CACNA1B: variants seen among roughly 807,000 people sequenced by gnomAD.
The protein encoded by CACNA1B is voltage-dependent N-type calcium channel subunit alpha-1B.
CACNA1B carries 70 observed loss-of-function variants against 247.2 expected under a neutral mutation model. The observed-to-expected ratio is 0.28, with a 90% CI of 0.23 to 0.35. The LOEUF is 0.35. CACNA1B is among the 10% of genes least tolerant of loss of function. CACNA1B has a pLI of 1.00. For synonymous variants in CACNA1B, 1,231 were observed against 1,294.4 expected (o/e 0.95, Z 1.05); for missense variants, 2,367 against 3,197.4 (o/e 0.74, Z 6.26).
At chr9:138,026,956 G>C (rs952861369) in intron 20 of CACNA1B, among the ~76,000 whole-genome samples, 3 of 152,170 alleles carry the variant, frequency 2.0e-5, no homozygotes, top group Admixed American at 2.0e-4. Context: ...TTTTGGATTT[G>C]AGTTATTCTA....
At chr9:137,945,151 G>T (rs190127650) in intron 6 of CACNA1B, among the ~76,000 whole-genome samples, 1 of 152,338 alleles carries the variant, frequency 6.6e-6, no homozygotes, top group Non-Finnish European at 1.5e-5. Context: ...TGGCTGTCCA[G>T]CTGATATTGG....
intron 10 of CACNA1B, among the ~76,000 whole-genome samples, chr9:137,970,333 C>T (rs1958131729): frequency 6.6e-6 from 1 of 152,178 alleles, no homozygotes; most frequent in Non-Finnish European, 1.5e-5. Flanking sequence ...CTAAGAAACC[C>T]TTACACAGGC....
chr9:138,050,126 C>A lies in CACNA1B; in HGVS notation c.3710+811C>A. 7.9e-7 allele frequency: 1 copy of A among 1,273,224 alleles called. No homozygotes were observed. Among genetic ancestry groups the A allele is most frequent in the Non-Finnish European group, 1.0e-6 (1 of 973,684 alleles). The allele number at this position is 1,273,224 out of a possible 1,614,324, so 78.9% of individuals were successfully genotyped here. A position where few individuals can be genotyped will look rare whatever the true frequency, so the allele number is the denominator to read the frequency against. ...CCCCCACACGCTGCCCCTGACATCACAGCATTCCAGCAGCCCCTCTTGGGT... is the reference window on the plus strand; with the variant it reads ...CCCCCACACGCTGCCCCTGACATCAAAGCATTCCAGCAGCCCCTCTTGGGT... On this transcript the variant is annotated intron_variant, in intron 24 of 46. Coordinates refer to ENST00000371372, the MANE Select transcript of CACNA1B (RefSeq NM_000718.4). This position sits in a 1 kb window ranked among gnomAD's most constrained non-coding sequence, Gnocchi z 5.2.
intron 20 of CACNA1B, among the ~76,000 whole-genome samples, chr9:138,041,767 T>G (rs1959126207): frequency 6.6e-6 from 1 of 152,190 alleles, no homozygotes; most frequent in Non-Finnish European, 1.5e-5. Context: ...AATTATTTAT[T>G]TATTTTAGAG....
At chr9:137,907,589 C>T (rs926264723) in intron 3 of CACNA1B, among the ~76,000 whole-genome samples, 4 of 152,170 alleles carry the variant, frequency 2.6e-5, no homozygotes, top group African/African-American at 9.7e-5. Context: ...ATCTTCTTCC[C>T]TCTTGTAATT....
intron 3 of CACNA1B, among the ~76,000 whole-genome samples, chr9:137,911,432 T>A (rs1957358404): frequency 1.3e-5 from 2 of 152,234 alleles, no homozygotes; most frequent in Admixed American, 1.3e-4. Flanking sequence ...ATTTATTTAT[T>A]CGAGTCGGAG....
intron 44 of CACNA1B, among the ~76,000 whole-genome samples, chr9:138,119,489 G>A (rs555442102): frequency 5.3e-5 from 8 of 152,082 alleles, no homozygotes; most frequent in East Asian, 1.9e-4. Context: ...CCTGTCCCTC[G>A]GCCGACCTGG....
At chr9:137,900,759 C>G (rs1957227811) in intron 3 of CACNA1B, among the ~76,000 whole-genome samples, 1 of 142,538 alleles carries the variant, frequency 7.0e-6, no homozygotes, top group Middle Eastern at 4.5e-3. Context: ...GTCTCTCTGT[C>G]CCTGTGTCTG....
chr9:137,983,914 A>C (rs974646052), intron 12 of CACNA1B, among the ~76,000 whole-genome samples: 1 of 52,560 alleles, frequency 1.9e-5, no homozygotes, highest in African/African-American at 7.3e-5. Context: ...GGTGGGAGGG[A>C]GGGCAGGTAC....
Position 137,880,822 on chromosome 9 carries a change from G to A in CACNA1B, c.390+1663G>A, listed in dbSNP as rs1956907473. Among the ~76,000 whole-genome samples, 1 of 152,156 alleles carries A rather than the reference G, an allele frequency of 6.6e-6. No individual in the cohort carries two copies. The highest frequency in any genetic ancestry group is 2.1e-4 in the South Asian group (1 of 4,834). On this transcript the variant is annotated intron_variant, in intron 2 of 46. Coordinates refer to ENST00000371372, the MANE Select transcript of CACNA1B (RefSeq NM_000718.4). The surrounding 1 kb of genome is among the most constrained non-coding windows in gnomAD (Gnocchi z 4.8). ...AGCAGGCCGAGGCTGGGTGGTGCAG[G>A]GGCAGCCCCTCAGTTGTCTCCCAGC...
At position 138,073,208 on chromosome 9, in the gene CACNA1B, T is replaced by A. The variant is rs528499876; in HGVS notation, c.4675-280T>A. 7.2e-5 allele frequency among the ~76,000 whole-genome samples: 11 copies of A among 152,270 alleles called. No homozygotes were observed. The highest frequency in any genetic ancestry group is 2.6e-4 in the African/African-American group (11 of 41,564). ...AGAGATGCCTGGGAGAACTTTTCTT[T>A]CTGTTGCTCACGGTTGGGGGTGGGG... is the stretch of plus-strand genomic sequence containing the variant. On this transcript the variant is annotated intron_variant, in intron 32 of 46. Coordinates refer to ENST00000371372, the MANE Select transcript of CACNA1B (RefSeq NM_000718.4). This position sits in a 1 kb window ranked among gnomAD's most constrained non-coding sequence, Gnocchi z 6.4.
At chr9:138,039,265 T>C (rs1959086915) in intron 20 of CACNA1B, among the ~76,000 whole-genome samples, 1 of 152,180 alleles carries the variant, frequency 6.6e-6, no homozygotes, top group African/African-American at 2.4e-5. Context: ...GTAATTCAAA[T>C]AGAAGATTGT....
chr9:137,997,429 A>G (rs1256574295), intron 15 of CACNA1B, among the ~76,000 whole-genome samples: 1 of 152,248 alleles, frequency 6.6e-6, no homozygotes, highest in Non-Finnish European at 1.5e-5. Flanking sequence ...TGTCATGCAG[A>G]TAGTATTTAC....
chr9:138,076,809 C>T (rs931483701), intron 35 of CACNA1B, among the ~76,000 whole-genome samples: 3 of 152,332 alleles, frequency 2.0e-5, no homozygotes, highest in East Asian at 1.9e-4. Flanking sequence ...GCTGTACAGC[C>T]CACCCTGCCT....
In CACNA1B at chr9:138,115,695, C is replaced by G; in HGVS notation, c.5777+16C>G. The G allele has an allele frequency of 6.2e-7, 1 of 1,606,038 alleles. No homozygotes were observed. Among genetic ancestry groups the G allele is most frequent in the Non-Finnish European group, 8.5e-7 (1 of 1,175,202 alleles). Reference sequence around the variant, plus strand: ...GCGGGGCCATGTGAGTATCCAGATGCAGGACATAGCTGGACAGGAGGAGGT... The same window carrying G: ...GCGGGGCCATGTGAGTATCCAGATGGAGGACATAGCTGGACAGGAGGAGGT... On this transcript the variant is annotated intron_variant, in intron 42 of 46. Coordinates refer to ENST00000371372, the MANE Select transcript of CACNA1B (RefSeq NM_000718.4).
In CACNA1B at chr9:138,021,149, T is replaced by C. The variant is rs534109851; in HGVS notation, c.2268-1862T>C. 4.9e-4 allele frequency among the ~76,000 whole-genome samples: 74 copies of C among 152,282 alleles called. 1 individual carries two copies. Among genetic ancestry groups the C allele is most frequent in the African/African-American group, 1.8e-3 (74 of 41,568 alleles). On this transcript the variant is annotated intron_variant, in intron 18 of 46. Coordinates refer to ENST00000371372, the MANE Select transcript of CACNA1B (RefSeq NM_000718.4). Reference sequence around the variant, plus strand: ...AGCACTGTTGGCAGTAGAGCCCTTTTGTCTTGGTCCCAGCTGGGGTTGGTG... The same window carrying C: ...AGCACTGTTGGCAGTAGAGCCCTTTCGTCTTGGTCCCAGCTGGGGTTGGTG...
chr9:137,987,806 C>T (rs568434510), intron 15 of CACNA1B, among the ~76,000 whole-genome samples: 1 of 152,294 alleles, frequency 6.6e-6, no homozygotes, highest in South Asian at 2.1e-4. Context: ...CATGACTGTC[C>T]CCTTTCTCAC....
chr9:138,050,111 C>T lies in CACNA1B; in HGVS notation c.3710+796C>T. 3 of 1,285,994 alleles carry T rather than the reference C, an allele frequency of 2.3e-6. No individual in the cohort carries two copies. In the South Asian group the frequency reaches 3.7e-5, roughly 16 times the overall value. The allele number at this position is 1,285,994 out of a possible 1,614,324, so 79.7% of individuals were successfully genotyped here. A position where few individuals can be genotyped will look rare whatever the true frequency, so the allele number is the denominator to read the frequency against. On this transcript the variant is annotated intron_variant, in intron 24 of 46. Transcript: ENST00000371372. The surrounding 1 kb of genome is among the most constrained non-coding windows in gnomAD (Gnocchi z 5.2). ...GGTAATGCCTTCTCTCCCCCACACG[C>T]TGCCCCTGACATCACAGCATTCCAG...
chr9:138,118,547 T>C (rs981291224), intron 43 of CACNA1B, 105 bp from the exon 44 acceptor site: 7 of 610,050 alleles, frequency 1.1e-5, no homozygotes, highest in Non-Finnish European at 1.8e-5. Context: ...GAGACTGAGA[T>C]GGATTTGGGT....
Sources: gnomAD v4.1 joint callset for allele counts (sites outside exome capture counted in the v4.1 genomes callset) on GRCh38, gnomAD v4.1.1 for gene constraint, Gnocchi (gnomAD v3.1) non-coding constraint, MANE v1.5 for transcripts, NCBI Gene and HGNC (gene_info 2026-07-23, HGNC 2026-07-21) for gene names.